MACF1: variants seen among roughly 807,000 people sequenced by gnomAD.
MACF1 encodes microtubule-actin cross-linking factor 1.
A neutral mutation model predicts 854.8 loss-of-function variants in MACF1; 193 were observed. That is an observed-to-expected ratio of 0.23 (90% CI 0.20 to 0.25). The LOEUF (loss-of-function observed/expected upper bound fraction) is 0.25. Ranked by LOEUF, MACF1 falls within the 10% of genes least tolerant of loss-of-function variation. The pLI, the probability that MACF1 is intolerant of heterozygous loss-of-function variation, is 1.00. For synonymous variants in MACF1, 3,185 were observed against 3,226.7 expected (o/e 0.99, Z 0.44); for missense variants, 7,722 against 8,929.1 (o/e 0.86, Z 5.45).
intron 99 of MACF1, among the ~76,000 whole-genome samples, chr1:39,482,072 C>T (rs1453868354): frequency 6.6e-6 from 1 of 152,166 alleles, no homozygotes; most frequent in Non-Finnish European, 1.5e-5. Flanking sequence ...TAATGATGTA[C>T]AAATTCTCAT....
chr1:39,227,479 ATAT>A (rs146546294), intron 1 of MACF1, among the ~76,000 whole-genome samples: 4,694 of 152,312 alleles, frequency 0.031, 232 homozygotes, highest in African/African-American at 0.11. Flanking sequence ...TCAGAACACT[ATAT>A]AATTATATAA....
In MACF1 at chr1:39,287,479, G is replaced by C; in HGVS notation, c.1702G>C (p.Glu568Gln). 1 of 1,614,164 alleles carries C rather than the reference G, an allele frequency of 6.2e-7. No homozygotes were observed. Among genetic ancestry groups the C allele is most frequent in the Non-Finnish European group, 8.5e-7 (1 of 1,180,036 alleles). ...GTTCCGAAAGCCTATGACTCGGGCT[G>C]AACTTGTGGCCATCAGCTCCTCTGA... ...SWFRKPMTRA[E>Q]LVAISSSEDE... Residue 568 changes from glutamate to glutamine, a missense_variant, in exon 15 of 101, where the codon GAA becomes CAA. Physicochemically the swap from Glu to Gln is conservative, Grantham distance 29. This residue lies in a region of MACF1 where 1,137 missense variants were observed against 1,263.0 expected (regional missense o/e 0.90). Transcript: ENST00000564288.
chr1:39,438,312 G>A (rs1644024634), intron 71 of MACF1, among the ~76,000 whole-genome samples: 2 of 152,158 alleles, frequency 1.3e-5, no homozygotes, highest in South Asian at 4.1e-4. Context: ...ACTTTCCATG[G>A]GAAACATACA....
rs150632255 is a variant in MACF1, at chr1:39,126,319, T to A, written c.220+41881T>A. Among the ~76,000 whole-genome samples the A allele has an allele frequency of 6.0e-4, 91 of 152,332 alleles. 1 individual carries two copies. The highest frequency in any genetic ancestry group is 1.0e-3 in the Non-Finnish European group (69 of 68,032). On this transcript the variant is annotated intron_variant, in intron 2 of 93. Transcript: ENST00000361689. ...CTCTCACCGCCTTCACATCTGTATA[T>A]GTCTGTCTGTGTTCAAATGTCCCCT...
chr1:39,386,916 T>G (rs1419868082), intron 57 of MACF1, among the ~76,000 whole-genome samples: 1 of 152,198 alleles, frequency 6.6e-6, no homozygotes, highest in African/African-American at 2.4e-5. Context: ...TGCCATTAAT[T>G]TATTATTTAT....
intron 80 of MACF1, 44 bp downstream of exon 80, chr1:39,444,879 T>G (rs1298127979): frequency 5.4e-6 from 8 of 1,489,388 alleles, no homozygotes; most frequent in Non-Finnish European, 6.4e-6. Context: ...GCTGAGTGAT[T>G]GCATGTATAA....
At chr1:39,455,184 T>C in intron 89 of MACF1, 87 bp downstream of exon 89, 3 of 1,318,856 alleles carry the variant, frequency 2.3e-6, no homozygotes, top group Non-Finnish European at 3.2e-6. Context: ...TGTTTTTAAA[T>C]GGCTGCTTAA....
At chr1:39,410,319 G>A in intron 58 of MACF1, 1 of 1,612,874 alleles carries the variant, frequency 6.2e-7, no homozygotes, top group South Asian at 1.1e-5. Context: ...CCAGCTGCCT[G>A]GGGAAAGGAG....
intron 2 of MACF1, among the ~76,000 whole-genome samples, chr1:39,248,382 G>A (rs1023321555): frequency 7.9e-5 from 12 of 151,952 alleles, no homozygotes; most frequent in African/African-American, 2.9e-4. Context: ...ACTCAGGCTG[G>A]AGTGCATTGG....
intron 71 of MACF1, 94 bp from the exon 72 acceptor site, chr1:39,439,180 A>G (rs1481336242): frequency 1.7e-6 from 1 of 592,910 alleles, no homozygotes; most frequent in East Asian, 2.8e-5. Context: ...AAATAGTTTC[A>G]TTGAAAAGGT....
Position 39,459,929 on chromosome 1 carries a change from T to C in MACF1, c.21360+680T>C. The C allele has an allele frequency of 3.0e-6, 3 of 998,962 alleles. No individual in the cohort carries two copies. In the South Asian group the frequency reaches 4.2e-5, roughly 14 times the overall value. The allele number at this position is 998,962 out of a possible 1,614,324, so 61.9% of individuals were successfully genotyped here. A position where few individuals can be genotyped will look rare whatever the true frequency, so the allele number is the denominator to read the frequency against. ...TTTTTTCCCCCATTCCTTCTAACTTTGGAGTTTGAAAGACCAAGGGGAAAC... is the reference window on the plus strand; with the variant it reads ...TTTTTTCCCCCATTCCTTCTAACTTCGGAGTTTGAAAGACCAAGGGGAAAC... On this transcript the variant is annotated intron_variant, in intron 91 of 100. Transcript: ENST00000564288.
intron 84 of MACF1, among the ~76,000 whole-genome samples, chr1:39,449,067 T>C (rs1445354938): frequency 2.0e-5 from 3 of 152,240 alleles, no homozygotes; most frequent in Non-Finnish European, 4.4e-5. Flanking sequence ...TATTGACTGC[T>C]CTTGGACACT....
At chr1:39,389,607 G>A (rs1332861792) in intron 58 of MACF1, among the ~76,000 whole-genome samples, 3 of 151,668 alleles carry the variant, frequency 2.0e-5, no homozygotes, top group Admixed American at 6.6e-5. Context: ...TGATCCACCC[G>A]CCCTAGCCTC....
At chr1:39,128,693 C>T (rs554546884) in intron 2 of MACF1, among the ~76,000 whole-genome samples, 717 of 151,042 alleles carry the variant, frequency 4.7e-3, no homozygotes, top group Admixed American at 8.3e-3. Context: ...GGTGAGACTC[C>T]GTCTCAAAAA....
At chr1:39,362,007 T>G (rs1432289903) in intron 49 of MACF1, among the ~76,000 whole-genome samples, 1 of 152,206 alleles carries the variant, frequency 6.6e-6, no homozygotes, top group African/African-American at 2.4e-5. Flanking sequence ...AAAGGGCATA[T>G]TATATTTATT....
rs145430083 is a variant in MACF1, at chr1:39,430,055, A to T, written c.17117A>T (p.Gln5706Leu). 174 of 1,613,832 alleles carry T rather than the reference A, an allele frequency of 1.1e-4. No individual in the cohort carries two copies. The highest frequency in any genetic ancestry group is 1.4e-4 in the Non-Finnish European group (165 of 1,179,806). The change falls in exon 65 of 101, where the codon CAG (glutamine) becomes CTG (leucine). Residue 5706 changes from glutamine (Q) to leucine (L), a missense_variant. By Grantham distance (113) the Gln-to-Leu change is moderately radical. Around this residue, in one of 15 missense-constraint regions of MACF1, gnomAD observed 2,807 missense variants for 3,235.8 expected, o/e 0.87. Transcript: ENST00000564288. Reference protein sequence around the residue: ...SPTGEQIPQFQQRQKELKKEV... With the variant: ...SPTGEQIPQFLQRQKELKKEV... ...ACAGGGGAACAGATACCCCAGTTTC[A>T]GCAGAGACAGAAGGTGAGCTGTTAC...
At chr1:39,343,065 G>A (rs185770264) in intron 40 of MACF1, among the ~76,000 whole-genome samples, 20 of 152,164 alleles carry the variant, frequency 1.3e-4, no homozygotes, top group African/African-American at 4.8e-4. Flanking sequence ...TTCTTCTTAA[G>A]CCCCAGATTA....
intron 2 of MACF1, among the ~76,000 whole-genome samples, chr1:39,155,896 T>G (rs1187574365): frequency 6.7e-6 from 1 of 150,066 alleles, no homozygotes; most frequent in African/African-American, 2.4e-5. Context: ...ATTGTTTTGT[T>G]TTTTTTTTTG....
chr1:39,448,779 C>A lies in MACF1; in HGVS notation c.20258+16C>A. 1.3e-6 allele frequency: 2 copies of A among 1,592,530 alleles called. No homozygotes were observed. The highest frequency in any genetic ancestry group is 1.1e-5 in the South Asian group (1 of 87,898). On this transcript the variant is annotated intron_variant, in intron 84 of 100. Transcript: ENST00000564288. ...CTGTGGAGCGGTGAGCATGAATGTC[C>A]CCTTCAGGGGTCTAACCGGGATCCC...
Sources: allele counts gnomAD v4.1 joint callset (sites outside exome capture counted in the v4.1 genomes callset), GRCh38; gene constraint gnomAD v4.1.1; regional missense constraint gnomAD v4.1.1; transcripts MANE v1.5; gene names NCBI Gene and HGNC (gene_info 2026-07-23, HGNC 2026-07-21).